The following PRDM5 variants were observed in gnomAD, a reference collection of about 807,000 sequenced individuals.
PRDM5 encodes the protein PR/SET domain 5, also known as PR domain zinc finger protein 5.
Under a neutral mutation model 81.2 loss-of-function variants are expected in PRDM5, and 56 were observed. The observed-to-expected ratio is 0.69, with a 90% confidence interval of 0.56 to 0.86. PRDM5 has a LOEUF of 0.86. Ranked by LOEUF, PRDM5 falls within the 40% of genes least tolerant of loss-of-function variation. The pLI, the probability that PRDM5 is intolerant of heterozygous loss-of-function variation, is 0.00. For missense variants in PRDM5, 697 were observed against 770.1 expected, an observed-to-expected ratio of 0.91 and a Z score of 1.12; for synonymous variants, 267 against 256.4, an observed-to-expected ratio of 1.04 and a Z score of -0.39.
intron 15 of PRDM5, 37 bp from the exon 16 acceptor site, chr4:120,695,312 AATAAACAAAATTT>A (rs777804269): frequency 1.9e-6 from 3 of 1,608,086 alleles, no homozygotes; most frequent in African/African-American, 1.3e-5. Context: ...ATTATACTGA[AATAAACAAAATTT>A]ATAAACAAAA....
intron 2 of PRDM5, among the ~76,000 whole-genome samples, chr4:120,890,245 C>T (rs911281242): frequency 1.3e-5 from 2 of 152,124 alleles, no homozygotes; most frequent in African/African-American, 4.8e-5. Flanking sequence ...CACATGGCCA[C>T]AGCAGGAGCA....
chr4:120,733,247 T>A (rs1740525737), intron 14 of PRDM5, among the ~76,000 whole-genome samples: 2 of 152,192 alleles, frequency 1.3e-5, no homozygotes. Context: ...TCTGACTTAC[T>A]GTTATCAACA....
chr4:120,730,309 A>G (rs951017501), intron 14 of PRDM5, among the ~76,000 whole-genome samples: 4 of 152,206 alleles, frequency 2.6e-5, no homozygotes, highest in African/African-American at 9.6e-5. Flanking sequence ...GTATTATATT[A>G]ACCTTTCTTC....
intron 14 of PRDM5, among the ~76,000 whole-genome samples, chr4:120,749,266 C>T (rs1442360618): frequency 6.6e-6 from 1 of 151,784 alleles, no homozygotes; most frequent in Non-Finnish European, 1.5e-5. Flanking sequence ...GAACCCGTCA[C>T]AAAATGGGTA....
Position 120,867,617 on chromosome 4 carries a change from C to T in PRDM5, c.178-14077G>A, listed in dbSNP as rs150801611. On this transcript the variant is annotated intron_variant, in intron 2 of 15. Transcript: ENST00000264808. ...CCATTAAAAATACAGATGTAGAACACAATAAAGGGAAGCAGTTGGGAAAAC... is the reference window on the plus strand; with the variant it reads ...CCATTAAAAATACAGATGTAGAACATAATAAAGGGAAGCAGTTGGGAAAAC... Among the ~76,000 whole-genome samples, 26 of 152,202 alleles carry T rather than the reference C, an allele frequency of 1.7e-4. 2 individuals are homozygous for T. In the East Asian group the frequency reaches 4.4e-3, roughly 26 times the overall value.
rs146107455 is a variant in PRDM5, at chr4:120,800,620, C to T, written c.946-875G>A. On this transcript the variant is annotated intron_variant, in intron 8 of 15. Transcript: ENST00000264808. ...TAGCAGGTATGCAGGATGAATAACT[C>T]TAAAGATCTAATGTATAACACGAAG... is the stretch of plus-strand genomic sequence containing the variant. Among the ~76,000 whole-genome samples, 202 of 151,752 alleles carry T rather than the reference C, an allele frequency of 1.3e-3. 1 individual carries two copies. Among genetic ancestry groups the T allele is most frequent in the African/African-American group, 4.5e-3 (187 of 41,396 alleles).
intron 14 of PRDM5, among the ~76,000 whole-genome samples, chr4:120,717,102 C>T (rs1255178278): frequency 6.6e-6 from 1 of 150,808 alleles, no homozygotes; most frequent in Non-Finnish European, 1.5e-5. Flanking sequence ...TAGAGCCTTC[C>T]TGAGTGGAAT....
At chr4:120,770,580 A>C (rs540982299) in intron 13 of PRDM5, among the ~76,000 whole-genome samples, 1 of 152,082 alleles carries the variant, frequency 6.6e-6, no homozygotes, top group South Asian at 2.1e-4. Flanking sequence ...GTTCAATTGT[A>C]TGCTTAGGTT....
chr4:120,793,155 A>T (rs1166109881), intron 10 of PRDM5, among the ~76,000 whole-genome samples: 8 of 152,116 alleles, frequency 5.3e-5, no homozygotes, highest in Admixed American at 5.2e-4. Flanking sequence ...ACTCCCCATC[A>T]CTCACATTAC....
At chr4:120,719,171 C>G (rs904471088) in intron 14 of PRDM5, among the ~76,000 whole-genome samples, 1 of 152,178 alleles carries the variant, frequency 6.6e-6, no homozygotes, top group African/African-American at 2.4e-5. Flanking sequence ...CAGTAGTACA[C>G]CCTTCCCCAC....
chr4:120,715,598 G>A (rs1737628986), intron 14 of PRDM5, among the ~76,000 whole-genome samples: 3 of 152,152 alleles, frequency 2.0e-5, no homozygotes, highest in Admixed American at 2.0e-4. Flanking sequence ...TTTGTTTGAA[G>A]TTGCTGGGAT....
chr4:120,876,432 CAATT>C (rs1762337841), intron 2 of PRDM5, among the ~76,000 whole-genome samples: 2 of 152,146 alleles, frequency 1.3e-5, no homozygotes, highest in African/African-American at 4.8e-5. Flanking sequence ...TTTTGTGTGT[CAATT>C]ACAAAGATTT....
intron 2 of PRDM5, among the ~76,000 whole-genome samples, chr4:120,859,507 G>A (rs763369875): frequency 1.3e-5 from 2 of 152,162 alleles, no homozygotes; most frequent in Non-Finnish European, 2.9e-5. Flanking sequence ...TTACAGGCAT[G>A]AGTGTTCACA....
intron 15 of PRDM5, among the ~76,000 whole-genome samples, chr4:120,697,314 G>C (rs1734637223): frequency 6.6e-6 from 1 of 152,146 alleles, no homozygotes. Flanking sequence ...GATAGACAGA[G>C]AGAGAGCAAG....
chr4:120,896,484 G>C (rs1254935641), intron 2 of PRDM5: 1 of 152,070 alleles, frequency 6.6e-6, no homozygotes, highest in East Asian at 1.9e-4. Flanking sequence ...GAAGTCACTT[G>C]CACATAGTTG....
At chr4:120,688,464 GA>G, downstream of PRDM5, among the ~76,000 whole-genome samples, 1 of 152,116 alleles carries the variant, frequency 6.6e-6, no homozygotes, top group Non-Finnish European at 1.5e-5. Context: ...TTGTTGTGCA[GA>G]AGTTTTTAAG....
At chr4:120,864,177 T>C (rs1242549590) in intron 2 of PRDM5, among the ~76,000 whole-genome samples, 4 of 152,158 alleles carry the variant, frequency 2.6e-5, no homozygotes, top group Non-Finnish European at 5.9e-5. Context: ...CTACTGTGCA[T>C]GATGAATTGT....
chr4:120,741,386 T>G (rs1026494112), intron 14 of PRDM5, among the ~76,000 whole-genome samples: 1 of 151,800 alleles, frequency 6.6e-6, no homozygotes, highest in African/African-American at 2.4e-5. Context: ...ATCAGCTTGA[T>G]GTATTGGTCA....
intron 1 of PRDM5, among the ~76,000 whole-genome samples, chr4:120,908,135 T>C (rs1766045938): frequency 6.6e-6 from 1 of 152,246 alleles, no homozygotes; most frequent in East Asian, 1.9e-4. Flanking sequence ...CCCGTGTTAC[T>C]AGTTTGAGAT....
Sources: allele counts gnomAD v4.1 joint callset (sites outside exome capture counted in the v4.1 genomes callset), GRCh38; gene constraint gnomAD v4.1.1; transcripts MANE v1.5; gene names NCBI Gene and HGNC (gene_info 2026-07-23, HGNC 2026-07-21).